The following CREB1 variants were observed in gnomAD, a reference collection of about 807,000 sequenced individuals.
The protein encoded by CREB1 is cAMP responsive element binding protein 1.
In CREB1, 2 loss-of-function variants were observed where a neutral mutation model predicts 42.0. The observed-to-expected ratio is 0.05, with a 90% confidence interval of 0.02 to 0.15. The LOEUF (loss-of-function observed/expected upper bound fraction) is 0.15, where lower values mean the gene tolerates loss of function less well. CREB1 is among the 10% of genes least tolerant of loss of function. The pLI, the probability that CREB1 is intolerant of heterozygous loss-of-function variation, is 1.00. For synonymous variants in CREB1, 123 were observed against 139.9 expected, an observed-to-expected ratio of 0.88 and a Z score of 0.85; for missense variants, 199 against 388.9, an observed-to-expected ratio of 0.51 and a Z score of 4.11.
chr2:207,598,482 C>T lies in CREB1; in HGVS notation c.*1424C>T, dbSNP rs2086530114. 1 of 76,202 alleles carries T rather than the reference C, an allele frequency of 1.3e-5. No individual in the cohort carries two copies. 4.7% of individuals were successfully genotyped at this position (76,202 alleles called of 1,614,324 possible). On this transcript the variant is annotated 3_prime_UTR_variant, in exon 8 of 8. Transcript: ENST00000353267. ...CTAAGCTCGATAAATCTAACAGTTA[C>T]TCTTAAAAAAAAAAAAAAAAGACTA...
rs2086436272 is a variant in CREB1, at chr2:207,597,922, T to G, written c.*864T>G. 1 of 185,940 alleles carries G rather than the reference T, an allele frequency of 5.4e-6. No homozygotes were observed. The highest frequency in any genetic ancestry group is 1.1e-5 in the Non-Finnish European group (1 of 88,016). The allele number at this position is 185,940 out of a possible 1,614,324, so 11.5% of individuals were successfully genotyped here. A position where few individuals can be genotyped will look rare whatever the true frequency, so the allele number is the denominator to read the frequency against. On this transcript the variant is annotated 3_prime_UTR_variant, in exon 8 of 8. Transcript: ENST00000353267. ...CAATCCCTTGAGTTATATAACAAGA[T>G]TTTTAAATAAATGTTATTGTCCTCA...
At chr2:207,558,616 T>C (rs570091716) in intron 2 of CREB1, among the ~76,000 whole-genome samples, 9 of 152,100 alleles carry the variant, frequency 5.9e-5, no homozygotes, top group Admixed American at 5.2e-4. Context: ...CCCTGAAATA[T>C]ATATCTTTCA....
chr2:207,550,021 T>C (rs2081443268), intron 1 of CREB1, among the ~76,000 whole-genome samples: 1 of 151,822 alleles, frequency 6.6e-6, no homozygotes, highest in African/African-American at 2.4e-5. Context: ...TTCAAACAGT[T>C]ACCCTAAAAA....
chr2:207,596,842 A>T, intron 7 of CREB1, 72 bp from the exon 8 acceptor site: 1 of 1,556,896 alleles, frequency 6.4e-7, no homozygotes, highest in South Asian at 1.2e-5. Flanking sequence ...TAAAAAAGAA[A>T]AAAAAAAGGT....
chr2:207,574,935 T>G (rs1383285563), intron 5 of CREB1, among the ~76,000 whole-genome samples: 1 of 152,226 alleles, frequency 6.6e-6, no homozygotes, highest in Non-Finnish European at 1.5e-5. Flanking sequence ...TAATACATTA[T>G]GCAGTTAATG....
intron 4 of CREB1, among the ~76,000 whole-genome samples, chr2:207,568,351 A>C (rs1259211119): frequency 6.6e-6 from 1 of 152,106 alleles, no homozygotes; most frequent in Admixed American, 6.5e-5. Context: ...AAGAAATTTT[A>C]TATTACCAGT....
Position 207,575,413 on chromosome 2 carries a change from G to A in CREB1, c.647G>A (p.Gly216Glu), listed in dbSNP as rs753817619. ...CTACAGTATGCACAGACCACTGATG[G>A]ACAGCAGATCTTAGTGCCCAGCAAC... The part of the protein sequence containing the change: ...TILQYAQTTD[G>E]QQILVPSNQV... The change falls in exon 6 of 8, where the codon GGA becomes GAA. Residue 216 changes from glycine to glutamate, a missense_variant. Coordinates refer to ENST00000353267, the MANE Select transcript of CREB1 (RefSeq NM_004379.5). 6.2e-7 allele frequency: 1 copy of A among 1,613,556 alleles called. No individual in the cohort carries two copies. The highest frequency in any genetic ancestry group is 1.1e-5 in the South Asian group (1 of 90,996).
rs542619580 is a variant in CREB1 at position 207,592,788 on chromosome 2, G to A, written c.840-4126G>A. 3.3e-5 allele frequency among the ~76,000 whole-genome samples: 5 copies of A among 152,066 alleles called. No individual in the cohort carries two copies. In the East Asian group the frequency reaches 7.8e-4, roughly 24 times the overall value. Reference sequence around the variant, plus strand: ...CAAAAAATTAGCTGGCCATGGTGGCGCATGCCTGTAGTCCCAGCTGAGGCT... The same window carrying A: ...CAAAAAATTAGCTGGCCATGGTGGCACATGCCTGTAGTCCCAGCTGAGGCT... On this transcript the variant is annotated intron_variant, in intron 7 of 7. Coordinates refer to ENST00000353267, the MANE Select transcript of CREB1 (RefSeq NM_004379.5).
intron 1 of CREB1, among the ~76,000 whole-genome samples, chr2:207,541,246 A>G (rs188195317): frequency 7.9e-4 from 120 of 152,250 alleles, no homozygotes; most frequent in Non-Finnish European, 1.5e-3. Flanking sequence ...GCCTAAGTAT[A>G]CAGTGCCTTT....
intron 2 of CREB1, among the ~76,000 whole-genome samples, chr2:207,557,536 G>C (rs1296483692): frequency 6.6e-6 from 1 of 152,032 alleles, no homozygotes; most frequent in East Asian, 1.9e-4. Flanking sequence ...AAAAAAATTA[G>C]CTGGGTGTGG....
rs1165213905 is a variant in CREB1 at position 207,560,363 on chromosome 2, A to G, written c.252A>G (p.Gln84=). The change falls in exon 3 of 8, where the codon CAA becomes CAG. Residue 84 remains glutamine (Q), a synonymous_variant. Transcript: ENST00000353267. ...CAGTTATTCAGTCTCCACAAGTCCA[A>G]ACAGTTCAGGTATGTGTATAAAAAG... is the stretch of plus-strand genomic sequence containing the variant. The part of the protein sequence containing the change: ...QPSVIQSPQV[Q]TVQISTIAES... 8.7e-6 allele frequency: 14 copies of G among 1,613,390 alleles called. No individual in the cohort carries two copies. The Admixed American group carries it at 1.5e-4, about 17-fold the overall frequency.
At chr2:207,573,090 A>G (rs2082435255) in intron 5 of CREB1, among the ~76,000 whole-genome samples, 2 of 152,130 alleles carry the variant, frequency 1.3e-5, no homozygotes, top group Admixed American at 6.5e-5. Flanking sequence ...TTCCCTCTTT[A>G]TTCTGGCAAC....
intron 2 of CREB1, among the ~76,000 whole-genome samples, chr2:207,556,248 C>T (rs923384004): frequency 1.3e-5 from 2 of 152,062 alleles, no homozygotes; most frequent in Admixed American, 1.3e-4. Flanking sequence ...CTGATTCTTT[C>T]ATTTCATCTT....
chr2:207,558,831 TG>T (rs1235128381), intron 2 of CREB1, among the ~76,000 whole-genome samples: 1 of 151,926 alleles, frequency 6.6e-6, no homozygotes, highest in Non-Finnish European at 1.5e-5. Flanking sequence ...TTAGTAGAGA[TG>T]GGGTTTCACC....
chr2:207,551,112 CA>C (rs2081487607), intron 1 of CREB1, among the ~76,000 whole-genome samples: 2 of 152,180 alleles, frequency 1.3e-5, no homozygotes, highest in Admixed American at 1.3e-4. Context: ...AAAGTTCTTC[CA>C]AAACTTATCA....
At chr2:207,565,112 C>T (rs1305269741) in intron 3 of CREB1, among the ~76,000 whole-genome samples, 1 of 151,788 alleles carries the variant, frequency 6.6e-6, no homozygotes, top group African/African-American at 2.4e-5. Flanking sequence ...CCTGTATACT[C>T]CCTCCCCAAC....
chr2:207,596,719 C>T (rs866625150), intron 7 of CREB1, among the ~76,000 whole-genome samples, 195 bp from the exon 8 acceptor site: 10 of 152,166 alleles, frequency 6.6e-5, no homozygotes, highest in Non-Finnish European at 5.9e-5. Context: ...AGGCGTGAGC[C>T]GCCACGCCTG....
chr2:207,545,165 ACAC>A (rs1462241831), intron 1 of CREB1, among the ~76,000 whole-genome samples: 1 of 152,108 alleles, frequency 6.6e-6, no homozygotes, highest in African/African-American at 2.4e-5. Flanking sequence ...GGTTGAACTA[ACAC>A]CACCAACAAT....
intron 3 of CREB1, among the ~76,000 whole-genome samples, chr2:207,563,045 T>C (rs1313046423): frequency 6.6e-6 from 1 of 152,048 alleles, no homozygotes; most frequent in Non-Finnish European, 1.5e-5. Context: ...GAGAGATGAA[T>C]AAAGCCAGGG....
Sources: gnomAD v4.1 joint callset for allele counts (sites outside exome capture counted in the v4.1 genomes callset) on GRCh38, gnomAD v4.1.1 for gene constraint, MANE v1.5 for transcripts, NCBI Gene and HGNC (gene_info 2026-07-23, HGNC 2026-07-21) for gene names.